Variants in CFAP47 observed in about 807,000 individuals in gnomAD.
CFAP47 encodes the protein cilia- and flagella-associated protein 47.
Under a neutral mutation model 148.1 loss-of-function variants are expected in CFAP47, and 29 were observed. The ratio of observed to expected loss-of-function variants is 0.20; its 90% CI spans 0.15 to 0.27. CFAP47 has a LOEUF of 0.27. CFAP47 is among the 10% of genes least tolerant of loss of function. The probability of loss-of-function intolerance (pLI) is 1.00; values close to 1 mark genes in which losing one functional copy is unlikely to be tolerated. For synonymous variants in CFAP47, 664 were observed against 577.3 expected (o/e 1.15, Z -2.15); for missense variants, 1,872 against 1,697.5 (o/e 1.10, Z -1.81).
intron 15 of CFAP47, among the ~76,000 whole-genome samples, chrX:35,982,000 A>C (rs1010724314): frequency 1.8e-5 from 2 of 111,954 alleles, no homozygotes; most frequent in African/African-American, 6.5e-5. Flanking sequence ...TCATTATGGT[A>C]GAATGATGTA....
chrX:36,075,458 C>T (rs1291983811), intron 29 of CFAP47, among the ~76,000 whole-genome samples: 1 of 111,633 alleles, frequency 9.0e-6, no homozygotes, highest in Non-Finnish European at 1.9e-5. Flanking sequence ...GAACTCCTGA[C>T]CTCGTGATCC....
intron 53 of CFAP47, among the ~76,000 whole-genome samples, chrX:36,302,036 A>G (rs1941303184): frequency 9.2e-6 from 1 of 109,118 alleles, no homozygotes; most frequent in South Asian, 3.9e-4. Flanking sequence ...TTTTTTTCTT[A>G]CAGTAGCATA....
intron 15 of CFAP47, among the ~76,000 whole-genome samples, chrX:35,982,037 T>C (rs1341103732): frequency 8.9e-6 from 1 of 111,945 alleles, no homozygotes; most frequent in Non-Finnish European, 1.9e-5. Flanking sequence ...TACCCAATAA[T>C]GGGATTGCTG....
intron 45 of CFAP47, among the ~76,000 whole-genome samples, chrX:36,214,161 C>T (rs1402776696): frequency 8.9e-6 from 1 of 112,040 alleles, no homozygotes; most frequent in Non-Finnish European, 1.9e-5. Flanking sequence ...AACCTGCACA[C>T]CAAGTTACTG....
chrX:36,177,296 G>T (rs917877569), intron 39 of CFAP47, among the ~76,000 whole-genome samples: 1 of 111,956 alleles, frequency 8.9e-6, no homozygotes, highest in Non-Finnish European at 1.9e-5. Context: ...TATTTATTAC[G>T]TTGGGCTAGT....
At chrX:36,252,987 G>A (rs781877559) in intron 49 of CFAP47, among the ~76,000 whole-genome samples, 1 of 112,163 alleles carries the variant, frequency 8.9e-6, no homozygotes, top group East Asian at 2.8e-4. Context: ...AAAGTTATTG[G>A]AATAGACTGA....
At position 36,303,850 on chromosome X, in the gene CFAP47, C is replaced by T; in HGVS notation, c.7972C>T (p.His2658Tyr). ...TTACTAGCTTTTTTTTTCTCCTAGG[C>T]ATGTCACTCAGATCATTCCTTTAGT... ...MPEIQCDLGK[H>Y]VTQIIPLVNC... is the part of the protein sequence containing the mutation. The change falls in exon 54 of 64, where the codon CAT (histidine) becomes TAT (tyrosine). Residue 2658 changes from histidine to tyrosine, a missense_variant and splice_region_variant. Transcript: ENST00000378653. 9.3e-7 allele frequency: 1 copy of T among 1,071,178 alleles called. No homozygotes were observed. The highest frequency in any genetic ancestry group is 1.2e-6 in the Non-Finnish European group (1 of 802,766). The allele number at this position is 1,071,178 out of a possible 1,213,427, so 88.3% of individuals were successfully genotyped here. A position where few individuals can be genotyped will look rare whatever the true frequency, so the allele number is the denominator to read the frequency against.
chrX:36,371,180 T>C, intron 62 of CFAP47, among the ~76,000 whole-genome samples: 1 of 111,419 alleles, frequency 9.0e-6, no homozygotes, highest in East Asian at 2.8e-4. Flanking sequence ...AATATCCTAC[T>C]TTTTACTAAC....
intron 37 of CFAP47, among the ~76,000 whole-genome samples, chrX:36,158,380 A>C (rs962587639): frequency 8.9e-6 from 1 of 112,369 alleles, no homozygotes; most frequent in African/African-American, 3.2e-5. Flanking sequence ...CAGTAACAAA[A>C]TCGAGAGTCC....
At chrX:36,177,558 A>G (rs777631434) in intron 39 of CFAP47, among the ~76,000 whole-genome samples, 12 of 112,391 alleles carry the variant, frequency 1.1e-4, no homozygotes, top group Non-Finnish European at 2.3e-4. Context: ...TGACTTAATA[A>G]TAATATAGGT....
At position 36,156,299 on chromosome X, in the gene CFAP47, G is replaced by C. The variant is rs1487285507; in HGVS notation, c.5787-3127G>C. 2.7e-5 allele frequency among the ~76,000 whole-genome samples: 3 copies of C among 110,649 alleles called. No homozygotes were observed. The East Asian group carries it at 8.4e-4, about 31-fold the overall frequency. On this transcript the variant is annotated intron_variant, in intron 37 of 63. Transcript: ENST00000378653. ...TGTGCCACATTCTTTGTTAGATACT[G>C]TCTAGATCACAGTTAATAATGTCTC...
chrX:36,078,316 CATT>C (rs1372886075), intron 29 of CFAP47, among the ~76,000 whole-genome samples: 1 of 110,742 alleles, frequency 9.0e-6, no homozygotes, highest in Admixed American at 9.6e-5. Flanking sequence ...TAAAGTCTCC[CATT>C]ATTATTGTGT....
intron 44 of CFAP47, among the ~76,000 whole-genome samples, chrX:36,204,388 A>G (rs1218863120): frequency 5.5e-5 from 6 of 109,596 alleles, no homozygotes; most frequent in Non-Finnish European, 1.1e-4. Context: ...ATGAGAACAC[A>G]TGGACACAGG....
At position 35,961,120 on chromosome X, in the gene CFAP47, G is replaced by A. The variant is rs149990225; in HGVS notation, c.1410+4924G>A. On this transcript the variant is annotated intron_variant, in intron 8 of 63. Coordinates refer to ENST00000378653, the MANE Select transcript of CFAP47 (RefSeq NM_001304548.2). ...TCTATTAAAATGATAATGTGATTTTGTCCTTTATTCTATTAAGAGTGTGCA... is the reference window on the plus strand; with the variant it reads ...TCTATTAAAATGATAATGTGATTTTATCCTTTATTCTATTAAGAGTGTGCA... 6.6e-3 allele frequency among the ~76,000 whole-genome samples: 733 copies of A among 111,274 alleles called. 6 individuals carry two copies. Among genetic ancestry groups the A allele is most frequent in the African/African-American group, 0.023 (708 of 30,690 alleles).
intron 39 of CFAP47, among the ~76,000 whole-genome samples, chrX:36,165,277 C>A (rs1268615683): frequency 1.8e-5 from 2 of 111,109 alleles, no homozygotes; most frequent in Non-Finnish European, 3.8e-5. Context: ...TATTGTATGT[C>A]TTTTTGTTTG....
At chrX:36,187,031 G>C (rs1039806198) in intron 40 of CFAP47, among the ~76,000 whole-genome samples, 2 of 111,236 alleles carry the variant, frequency 1.8e-5, no homozygotes, top group African/African-American at 6.5e-5. Flanking sequence ...TCTGTCTTTG[G>C]GACCCCGAAG....
intron 42 of CFAP47, among the ~76,000 whole-genome samples, chrX:36,197,519 TTAAC>T (rs1378287988): frequency 8.9e-6 from 1 of 112,238 alleles, no homozygotes; most frequent in African/African-American, 3.2e-5. Context: ...TCTTCAGTCT[TTAAC>T]TGATGCATTT....
In CFAP47 at chrX:36,183,599, A is replaced by G. The variant is rs749526758; in HGVS notation, c.6104+4177A>G. Among the ~76,000 whole-genome samples the G allele has an allele frequency of 3.6e-5, 4 of 112,193 alleles. 1 individual carries two copies. In the South Asian group the frequency reaches 1.5e-3, roughly 41 times the overall value. On this transcript the variant is annotated intron_variant, in intron 40 of 63. Transcript: ENST00000378653. The stretch of plus-strand genomic sequence containing the variant: ...GCATTGTTAAACTGGCTTTAAAATA[A>G]TGATAGACTCGTCTACTTAAAAAGC...
intron 30 of CFAP47, among the ~76,000 whole-genome samples, chrX:36,087,414 T>C (rs750877165): frequency 1.8e-5 from 2 of 112,334 alleles, no homozygotes; most frequent in Admixed American, 1.9e-4. Flanking sequence ...TACATGGAGA[T>C]GCAATTTTGC....
Sources: allele counts gnomAD v4.1 joint callset (sites outside exome capture counted in the v4.1 genomes callset), GRCh38; gene constraint gnomAD v4.1.1; transcripts MANE v1.5; gene names NCBI Gene and HGNC (gene_info 2026-07-23, HGNC 2026-07-21).